Variants in KIF20A observed in about 807,000 individuals in gnomAD.
The protein encoded by KIF20A is kinesin-like protein KIF20A.
A neutral mutation model predicts 113.0 loss-of-function variants in KIF20A; 66 were observed. That is an observed-to-expected ratio of 0.58 (90% CI 0.48 to 0.72). The LOEUF (loss-of-function observed/expected upper bound fraction) is 0.72, where lower values mean the gene tolerates loss of function less well. Ranked by LOEUF, KIF20A falls within the 30% of genes least tolerant of loss-of-function variation. The pLI, the probability that KIF20A is intolerant of heterozygous loss-of-function variation, is 0.00. For missense variants in KIF20A, 927 were observed against 1,077.6 expected, an observed-to-expected ratio of 0.86 and a Z score of 1.96; for synonymous variants, 376 against 402.3, an observed-to-expected ratio of 0.93 and a Z score of 0.78.
At chr5:138,181,292 T>C in intron 2 of KIF20A, 130 bp from the exon 3 acceptor site, 1 of 732,038 alleles carries the variant, frequency 1.4e-6, no homozygotes, top group Admixed American at 2.2e-5. Context: ...AACCAAAGAG[T>C]AGCTGCACAG....
In KIF20A at chr5:138,184,317, TTCC is replaced by T; in HGVS notation, c.1433_1435del (p.Ser478del). The T allele has an allele frequency of 1.2e-6, 2 of 1,614,188 alleles. No homozygotes were observed. Among genetic ancestry groups the T allele is most frequent in the Non-Finnish European group, 1.7e-6 (2 of 1,180,010 alleles). On this transcript the variant is annotated inframe_deletion, in exon 12 of 19. Transcript: ENST00000394894. ...AAGGTTTCTTCACAGGCCGAGGCCG[TTCC>T]TGCATGATTGTCAATGTGAATCCCT... is the stretch of plus-strand genomic sequence containing the variant.
chr5:138,185,080 C>G lies in KIF20A; in HGVS notation c.1824-15C>G. 6.2e-7 allele frequency: 1 copy of G among 1,606,784 alleles called. No homozygotes were observed. Among genetic ancestry groups the G allele is most frequent in the Non-Finnish European group, 8.5e-7 (1 of 1,174,454 alleles). ...AACCTTCACTTACCTCTCTTTTCTC[C>G]TCTGTTTCTGACAGTGAACATTTGG... On this transcript the variant is annotated splice_polypyrimidine_tract_variant and intron_variant, in intron 14 of 18. Coordinates refer to ENST00000394894, the MANE Select transcript of KIF20A (RefSeq NM_005733.3).
In KIF20A at chr5:138,184,095, C is replaced by G. The variant is rs775462687; in HGVS notation, c.1342C>G (p.Gln448Glu). The change falls in exon 11 of 19, where the codon CAG becomes GAG. Residue 448 changes from glutamine (Q) to glutamate (E), a missense_variant. By Grantham distance (29) the Gln-to-Glu change is conservative. Coordinates refer to ENST00000394894, the MANE Select transcript of KIF20A (RefSeq NM_005733.3). ...CTGTATTGCTGCCCTTCGTCAAAACCAGCAGAACCGGTGAGCTTTTGACTA... is the reference window on the plus strand; with the variant it reads ...CTGTATTGCTGCCCTTCGTCAAAACGAGCAGAACCGGTGAGCTTTTGACTA... The part of the protein sequence containing the change: ...GRCIAALRQN[Q>E]QNRSKQNLVP... 4 of 1,614,034 alleles carry G rather than the reference C, an allele frequency of 2.5e-6. No individual in the cohort carries two copies. The Admixed American group carries it at 6.7e-5, about 27-fold the overall frequency.
At chr5:138,180,016 T>G (rs1026193080) in intron 2 of KIF20A, among the ~76,000 whole-genome samples, 171 bp downstream of exon 2, 2 of 151,984 alleles carry the variant, frequency 1.3e-5, no homozygotes, top group Non-Finnish European at 2.9e-5. Context: ...AAAAAAAAAT[T>G]AAGGGCATGA....
intron 17 of KIF20A, 37 bp from the exon 18 acceptor site, chr5:138,186,257 C>T: frequency 6.3e-7 from 1 of 1,575,282 alleles, no homozygotes; most frequent in East Asian, 2.2e-5. Flanking sequence ...CCTGGTTGCT[C>T]TTGGCCACAA....
Position 138,184,060 on chromosome 5 carries a change from C to A in KIF20A, c.1307C>A (p.Thr436Asn). 1.2e-6 allele frequency: 2 copies of A among 1,614,164 alleles called. No individual in the cohort carries two copies. The part of the protein sequence containing the change: ...EAGNINTSLH[T>N]LGRCIAALRQ... The stretch of plus-strand genomic sequence containing the variant: ...GGAAACATTAACACCTCTCTACACA[C>A]CCTGGGCCGCTGTATTGCTGCCCTT... Residue 436 changes from threonine (T) to asparagine (N), a missense_variant, in exon 11 of 19, where the codon ACC (threonine) becomes AAC (asparagine). Transcript: ENST00000394894.
In KIF20A at chr5:138,183,457, C is replaced by A; in HGVS notation, c.1028-13C>A. 1.9e-6 allele frequency: 3 copies of A among 1,613,232 alleles called. No homozygotes were observed. The highest frequency in any genetic ancestry group is 1.1e-5 in the South Asian group (1 of 91,036). ...GGATGTTCCCATCTTACACCCCTCT[C>A]CTTTGGCCCCAGATCTCAACTGGAT... On this transcript the variant is annotated splice_polypyrimidine_tract_variant and intron_variant, in intron 8 of 18. Transcript: ENST00000394894. This position sits in a 1 kb window ranked among gnomAD's most constrained non-coding sequence, Gnocchi z 5.2.
chr5:138,182,867 C>T lies in KIF20A; in HGVS notation c.709C>T (p.Leu237=), dbSNP rs1265341357. ...TCTCCCTGTGCCCCTCCAGGAGGAG[C>T]TGTCCACTTCCTTGAAGAGGAGTGT... ...LLNGGLQEEE[L]STSLKRSVYI... is the part of the protein sequence containing the mutation. The change falls in exon 7 of 19, where the codon CTG becomes TTG. Residue 237 remains leucine (L), a synonymous_variant. Coordinates refer to ENST00000394894, the MANE Select transcript of KIF20A (RefSeq NM_005733.3). 6.2e-7 allele frequency: 1 copy of T among 1,614,090 alleles called. No individual in the cohort carries two copies. Among genetic ancestry groups the T allele is most frequent in the Non-Finnish European group, 8.5e-7 (1 of 1,180,016 alleles).
intron 16 of KIF20A, 63 bp downstream of exon 16, chr5:138,185,773 AG>A (rs1471158384): frequency 6.4e-6 from 10 of 1,552,986 alleles, no homozygotes; most frequent in Non-Finnish European, 8.9e-6. Context: ...ACTTAAACCC[AG>A]GCCTTCTAAC....
Position 138,184,789 on chromosome 5 carries a change from C to G in KIF20A, c.1684-18C>G, listed in dbSNP as rs1561630283. ...GGCATGAGCATCTGATGACCTCTGA[C>G]ATGTGTGTCTCTCCTAGGAGCTCCT... On this transcript the variant is annotated intron_variant, in intron 13 of 18. Transcript: ENST00000394894. 6.2e-7 allele frequency: 1 copy of G among 1,613,794 alleles called. No homozygotes were observed. The highest frequency in any genetic ancestry group is 1.7e-5 in the Admixed American group (1 of 59,998).
chr5:138,179,890 G>T, intron 2 of KIF20A, 45 bp downstream of exon 2: 1 of 1,596,864 alleles, frequency 6.3e-7, no homozygotes. Flanking sequence ...GATATCCTCA[G>T]GCCAATAATT....
chr5:138,181,334 CA>C, intron 2 of KIF20A, 87 bp from the exon 3 acceptor site: 1 of 1,039,238 alleles, frequency 9.6e-7, no homozygotes, highest in Admixed American at 1.8e-5. Flanking sequence ...GTAGTGTTAT[CA>C]TAGTTCCTAG....
Position 138,184,267 on chromosome 5 carries a change from GA to G in KIF20A, c.1382del (p.Asp461AlafsTer4). 1 of 1,614,172 alleles carries G rather than the reference GA, an allele frequency of 6.2e-7. No individual in the cohort carries two copies. Among genetic ancestry groups the G allele is most frequent in the Non-Finnish European group, 8.5e-7 (1 of 1,180,028 alleles). The part of the protein sequence containing the change: ...RSKQNLVPFR[D>X]SKLTRVFQGF... ...AAAGCAGAACCTGGTTCCCTTCCGT[GA>G]CAGCAAGTTGACTCGAGTGTTCCAA... On this transcript the variant is annotated frameshift_variant, in exon 12 of 19. Coordinates refer to ENST00000394894, the MANE Select transcript of KIF20A (RefSeq NM_005733.3). LOFTEE classifies it high-confidence loss of function.
At position 138,181,604 on chromosome 5, in the gene KIF20A, C is replaced by G; in HGVS notation, c.256-5C>G. ...CTGTGACAACTGTATTTTCTCCCTT[C>G]TCAGGGTTGTGTCCGTATTGAGAAT... On this transcript the variant is annotated splice_polypyrimidine_tract_variant and splice_region_variant and intron_variant, in intron 3 of 18. Coordinates refer to ENST00000394894, the MANE Select transcript of KIF20A (RefSeq NM_005733.3). 1 of 1,614,206 alleles carries G rather than the reference C, an allele frequency of 6.2e-7. No individual in the cohort carries two copies. The highest frequency in any genetic ancestry group is 2.2e-5 in the East Asian group (1 of 44,878).
chr5:138,187,315 A>C lies in KIF20A; in HGVS notation c.2575A>C (p.Thr859Pro). 6.2e-7 allele frequency: 1 copy of C among 1,614,086 alleles called. No individual in the cohort carries two copies. The highest frequency in any genetic ancestry group is 8.5e-7 in the Non-Finnish European group (1 of 1,180,024). ...TCGAAATTTACTTCCCCGAACACCA[A>C]CCTGCCAAAGCTCAACAGACTGCAG... Reference protein sequence around the residue: ...FLRNLLPRTPTCQSSTDCSPY... With the variant: ...FLRNLLPRTPPCQSSTDCSPY... The change falls in exon 19 of 19, where the codon ACC becomes CCC. Residue 859 changes from threonine to proline, a missense_variant. Coordinates refer to ENST00000394894, the MANE Select transcript of KIF20A (RefSeq NM_005733.3).
Position 138,185,655 on chromosome 5 carries a change from G to A in KIF20A, c.2070G>A (p.Gln690=). 6.2e-7 allele frequency: 1 copy of A among 1,614,156 alleles called. No homozygotes were observed. Among genetic ancestry groups the A allele is most frequent in the Non-Finnish European group, 8.5e-7 (1 of 1,180,010 alleles). ...CTTCTGCCTCCACCCAGCAGCTTCA[G>A]GAGGTTAAAGCTAAATTACAGCAGT... The part of the protein sequence containing the change: ...LAASASTQQL[Q]EVKAKLQQCK... Residue 690 remains glutamine, a synonymous_variant, in exon 16 of 19, where the codon CAG becomes CAA. Transcript: ENST00000394894.
rs1302052514 is a variant in KIF20A at position 138,182,698 on chromosome 5, A to G, written c.627A>G (p.Val209=). ...PDLKPLLSNE[V]IWLDSKQIRQ... Reference sequence around the variant, plus strand: ...TGAAGCCCTTGCTCTCCAATGAGGTAATCTGGCTAGACAGCAAGCAGATCC... The same window carrying G: ...TGAAGCCCTTGCTCTCCAATGAGGTGATCTGGCTAGACAGCAAGCAGATCC... Residue 209 remains valine (V), a synonymous_variant, in exon 6 of 19, where the codon GTA becomes GTG. Coordinates refer to ENST00000394894, the MANE Select transcript of KIF20A (RefSeq NM_005733.3). 1.2e-6 allele frequency: 2 copies of G among 1,614,188 alleles called. No individual in the cohort carries two copies. The highest frequency in any genetic ancestry group is 2.2e-5 in the South Asian group (2 of 91,092).
In KIF20A at chr5:138,186,336, T is replaced by A; in HGVS notation, c.2260T>A (p.Ser754Thr). ...LRTELQKLGE[S>T]LQSAERACCH... ...GACAGAGCTTCAGAAACTTGGTGAG[T>A]CTCTCCAATCAGCAGAGAGAGCTTG... The change falls in exon 18 of 19, where the codon TCT becomes ACT. Residue 754 changes from serine to threonine, a missense_variant. Ser to Thr is a moderately conservative substitution (Grantham distance 58). Transcript: ENST00000394894. The A allele has an allele frequency of 1.2e-6, 2 of 1,600,290 alleles. No homozygotes were observed. Among genetic ancestry groups the A allele is most frequent in the Non-Finnish European group, 1.7e-6 (2 of 1,177,002 alleles).
At chr5:138,185,421 C>G in intron 15 of KIF20A, 91 bp from the exon 16 acceptor site, 1 of 1,211,674 alleles carries the variant, frequency 8.3e-7, no homozygotes, top group Non-Finnish European at 1.2e-6. Flanking sequence ...TTCAAGGGAT[C>G]AGTGTCACAA....
Sources: gnomAD v4.1 joint callset for allele counts (sites outside exome capture counted in the v4.1 genomes callset) on GRCh38, gnomAD v4.1.1 for gene constraint, Gnocchi (gnomAD v3.1) non-coding constraint, MANE v1.5 for transcripts, NCBI Gene and HGNC (gene_info 2026-07-23, HGNC 2026-07-21) for gene names.